SERPINE3: variants seen among roughly 807,000 people sequenced by gnomAD.
SERPINE3 encodes the protein serpin E3.
SERPINE3 carries 43 observed loss-of-function variants against 41.7 expected under a neutral mutation model. The observed-to-expected ratio is 1.03, with a 90% CI of 0.81 to 1.33. The LOEUF is 1.33. Ranked by LOEUF, SERPINE3 falls within the 40% of genes most tolerant of loss-of-function variation. The pLI, the probability that SERPINE3 is intolerant of heterozygous loss-of-function variation, is 0.00. For synonymous variants in SERPINE3, 200 were observed against 192.2 expected (o/e 1.04, Z -0.34); for missense variants, 440 against 491.7 (o/e 0.89, Z 0.99).
intron 4 of SERPINE3, 74 bp from the exon 5 acceptor site, chr13:51,346,951 T>C (rs983302478): frequency 4.5e-6 from 5 of 1,119,752 alleles, no homozygotes; most frequent in Non-Finnish European, 6.6e-6. Flanking sequence ...GCACTCCTTG[T>C]CCGCACACAC....
Position 51,364,272 on chromosome 13 carries a change from C to T in SERPINE3, c.1205C>T (p.Pro402Leu), listed in dbSNP as rs534777140. 1.4e-6 allele frequency: 2 copies of T among 1,476,400 alleles called. No individual in the cohort carries two copies. The highest frequency in any genetic ancestry group is 1.4e-5 in the African/African-American group (1 of 71,212). The allele number at this position is 1,476,400 out of a possible 1,614,324, so 91.5% of individuals were successfully genotyped here. The change falls in exon 10 of 10, where the codon CCC becomes CTC. Residue 402 changes from proline to leucine, a missense_variant. By Grantham distance (98) the Pro-to-Leu change is moderately conservative. Transcript: ENST00000681248. ...TTCAGTATTGGGAGAGTTTCAAATC[C>T]CCTAGACTAAATGCATGTTCTCCAC... ...FVFSIGRVSN[P>L]LD
At chr13:51,350,336 A>G (rs1955392540) in intron 6 of SERPINE3, among the ~76,000 whole-genome samples, 1 of 152,228 alleles carries the variant, frequency 6.6e-6, no homozygotes, top group South Asian at 2.1e-4. Context: ...CGCTTAGCAT[A>G]CTAAAGGAAT....
At chr13:51,340,402 A>C (rs1394392654) in intron 1 of SERPINE3, among the ~76,000 whole-genome samples, 1 of 152,232 alleles carries the variant, frequency 6.6e-6, no homozygotes, top group African/African-American at 2.4e-5. Flanking sequence ...TTTGCATCAC[A>C]AGAATTCTGA....
intron 6 of SERPINE3, among the ~76,000 whole-genome samples, chr13:51,350,307 T>C (rs1482998245): frequency 6.6e-6 from 1 of 152,176 alleles, no homozygotes; most frequent in African/African-American, 2.4e-5. Context: ...GCATAGGGAC[T>C]GTTAATCTTC....
Position 51,347,179 on chromosome 13 carries a change from C to T in SERPINE3, c.645C>T (p.Ala215=). 6.2e-7 allele frequency: 1 copy of T among 1,614,020 alleles called. No individual in the cohort carries two copies. The highest frequency in any genetic ancestry group is 8.5e-7 in the Non-Finnish European group (1 of 1,179,892). Residue 215 remains alanine (A), a synonymous_variant, in exon 5 of 10, where the codon GCC becomes GCT. Coordinates refer to ENST00000681248, the MANE Select transcript of SERPINE3 (RefSeq NM_001386375.1). ...CACAGATCCTGCCTTTCACCTGTGC[C>T]TATGGCCTCGTCCTTCAGGTCCCCA... is the stretch of plus-strand genomic sequence containing the variant. ...TDTQILPFTC[A]YGLVLQVPMM... is the part of the protein sequence containing the mutation.
chr13:51,353,953 C>T (rs1045515685), intron 6 of SERPINE3: 1 of 152,066 alleles, frequency 6.6e-6, no homozygotes, highest in Admixed American at 6.5e-5. Context: ...AATGCCTTGT[C>T]CCTGGGGAAA....
chr13:51,350,432 T>G (rs1048852347), intron 6 of SERPINE3, among the ~76,000 whole-genome samples: 3 of 152,130 alleles, frequency 2.0e-5, no homozygotes, highest in Non-Finnish European at 4.4e-5. Flanking sequence ...ATGCCAAATA[T>G]GTATGTAATG....
At chr13:51,350,491 T>C (rs1305353916) in intron 6 of SERPINE3, among the ~76,000 whole-genome samples, 1 of 152,176 alleles carries the variant, frequency 6.6e-6, no homozygotes, top group Non-Finnish European at 1.5e-5. Context: ...AGCATGAGCA[T>C]GTTTTGATAT....
chr13:51,353,990 T>C (rs1273218843), intron 6 of SERPINE3: 1 of 152,238 alleles, frequency 6.6e-6, no homozygotes, highest in East Asian at 1.9e-4. Flanking sequence ...TGATTCTTTG[T>C]GCTCAAAGGG....
In SERPINE3 at chr13:51,361,364, G is replaced by C; in HGVS notation, c.1087G>C (p.Ala363Pro). ...EEGTKASGAT[A>P]LLLLKRSRIP... ...AGGCACCAAGGCATCTGGAGCCACA[G>C]GTATGTTCAGAGAATACCCAGTCAC... is the stretch of plus-strand genomic sequence containing the variant. Residue 363 changes from alanine (A) to proline (P), a missense_variant and splice_region_variant, in exon 8 of 10, where the codon GCT (alanine) becomes CCT (proline). Ala to Pro is a conservative substitution (Grantham distance 27, BLOSUM62 -1). Transcript: ENST00000681248. 6.3e-7 allele frequency: 1 copy of C among 1,594,978 alleles called. No individual in the cohort carries two copies. Among genetic ancestry groups the C allele is most frequent in the Non-Finnish European group, 8.6e-7 (1 of 1,164,774 alleles).
intron 9 of SERPINE3, chr13:51,363,288 A>C (rs1955618894): frequency 1.3e-5 from 2 of 151,966 alleles, no homozygotes; most frequent in Admixed American, 1.3e-4. Context: ...AGGATAATCC[A>C]AAACCAGTTC....
intron 7 of SERPINE3, among the ~76,000 whole-genome samples, chr13:51,357,370 A>C (rs1337071327): frequency 6.6e-6 from 1 of 152,134 alleles, no homozygotes; most frequent in Non-Finnish European, 1.5e-5. Context: ...TCATTTACTT[A>C]TAGTATGACA....
intron 1 of SERPINE3, among the ~76,000 whole-genome samples, chr13:51,340,209 C>G (rs1024344147): frequency 5.3e-5 from 8 of 152,210 alleles, no homozygotes; most frequent in Middle Eastern, 3.4e-3. Context: ...GGTATGATAC[C>G]ACAGTCAGAC....
chr13:51,362,238 C>T, intron 9 of SERPINE3: 1 of 446,226 alleles, frequency 2.2e-6, no homozygotes. Flanking sequence ...CCTTTGTCCC[C>T]TAGCTTTCTT....
chr13:51,358,835 G>T (rs1264241888), intron 7 of SERPINE3, among the ~76,000 whole-genome samples: 1 of 152,064 alleles, frequency 6.6e-6, no homozygotes, highest in Non-Finnish European at 1.5e-5. Context: ...ATGTTGTATT[G>T]TAGGAGCAAG....
Position 51,348,248 on chromosome 13 carries a change from G to T in SERPINE3, c.736G>T (p.Val246Leu), listed in dbSNP as rs559197473. 2 of 1,603,236 alleles carry T rather than the reference G, an allele frequency of 1.2e-6. No homozygotes were observed. Among genetic ancestry groups the T allele is most frequent in the East Asian group, 4.5e-5 (2 of 44,376 alleles). The change falls in exon 6 of 10, where the codon GTG (valine) becomes TTG (leucine). Residue 246 changes from valine to leucine, a missense_variant. Val to Leu is a conservative substitution (Grantham distance 32). Transcript: ENST00000681248. ...FQDTAGHQVG[V>L]LELPYLGSAV... is the part of the protein sequence containing the mutation. ...GGACACTGCAGGCCATCAGGTGGGG[G>T]TGCTGGAGCTTCCTTACCTGGGAAG... is the stretch of plus-strand genomic sequence containing the variant.
At chr13:51,359,394 T>C (rs1955527634) in intron 7 of SERPINE3, among the ~76,000 whole-genome samples, 1 of 152,136 alleles carries the variant, frequency 6.6e-6, no homozygotes, top group East Asian at 1.9e-4. Flanking sequence ...AGATAAAATT[T>C]AAAAGATGCT....
intron 7 of SERPINE3, among the ~76,000 whole-genome samples, chr13:51,360,403 C>T (rs1358574014): frequency 2.0e-5 from 3 of 152,012 alleles, no homozygotes; most frequent in Non-Finnish European, 4.4e-5. Flanking sequence ...CAGGTGAGTT[C>T]ACAGCTCACT....
At chr13:51,346,345 C>T (rs1352017501) in intron 4 of SERPINE3, among the ~76,000 whole-genome samples, 2 of 152,082 alleles carry the variant, frequency 1.3e-5, no homozygotes, top group African/African-American at 4.8e-5. Flanking sequence ...CGACAATGTG[C>T]AGGATCTCCC....
Sources: gnomAD v4.1 joint callset for allele counts (sites outside exome capture counted in the v4.1 genomes callset) on GRCh38, gnomAD v4.1.1 for gene constraint, MANE v1.5 for transcripts, NCBI Gene and HGNC (gene_info 2026-07-23, HGNC 2026-07-21) for gene names.